Variants in SLC6A13 observed in about 807,000 individuals in gnomAD.
SLC6A13 encodes solute carrier family 6 member 13, also known as sodium- and chloride-dependent GABA transporter 2.
Under a neutral mutation model 72.9 loss-of-function variants are expected in SLC6A13, and 69 were observed. That is an observed-to-expected ratio of 0.95 (90% CI 0.78 to 1.16). The LOEUF (loss-of-function observed/expected upper bound fraction) is 1.16, where lower values mean the gene tolerates loss of function less well. Ranked by LOEUF, SLC6A13 falls within the 50% of genes most tolerant of loss-of-function variation. The pLI is 0.00. For missense variants in SLC6A13, 735 were observed against 760.5 expected, an observed-to-expected ratio of 0.97 and a Z score of 0.39; for synonymous variants, 303 against 303.0, an observed-to-expected ratio of 1.00 and a Z score of 0.00.
intron 9 of SLC6A13, among the ~76,000 whole-genome samples, chr12:224,801 A>G (rs1214051190): frequency 2.6e-5 from 4 of 152,224 alleles, no homozygotes; most frequent in African/African-American, 9.6e-5. Flanking sequence ...CTCCAGATCT[A>G]TTGCACAGAC....
intron 6 of SLC6A13, 142 bp downstream of exon 6, chr12:237,016 A>T: frequency 1.1e-6 from 1 of 886,934 alleles, no homozygotes; most frequent in Non-Finnish European, 1.7e-6. Flanking sequence ...GCGGAGAATC[A>T]AGGAAGGGAG....
At chr12:237,049 C>T in intron 6 of SLC6A13, 109 bp downstream of exon 6, 1 of 1,219,594 alleles carries the variant, frequency 8.2e-7, no homozygotes, top group Non-Finnish European at 1.2e-6. Context: ...CTCGCTGGGT[C>T]ATCGCCTCCC....
At chr12:245,679 CA>C (rs201656065) in intron 2 of SLC6A13, among the ~76,000 whole-genome samples, 17 of 140,068 alleles carry the variant, frequency 1.2e-4, no homozygotes, top group Admixed American at 2.2e-4. Flanking sequence ...GACTCTGTCG[CA>C]AAAAAAAAAG....
chr12:243,957 T>A, intron 2 of SLC6A13, 144 bp from the exon 3 acceptor site: 4 of 690,376 alleles, frequency 5.8e-6, no homozygotes, highest in Non-Finnish European at 9.5e-6. Context: ...GCTGTCTAGA[T>A]GTTTGGAACA....
Position 222,612 on chromosome 12 carries a change from T to A in SLC6A13, c.1435A>T (p.Asn479Tyr). The change falls in exon 13 of 15, where the codon AAC becomes TAC. Residue 479 changes from asparagine (N) to tyrosine (Y), a missense_variant. Asn to Tyr is a moderately radical substitution (Grantham distance 143). Coordinates refer to ENST00000343164, the MANE Select transcript of SLC6A13 (RefSeq NM_016615.5). Reference sequence around the variant, plus strand: ...CTGTACCCAATCATGTCTTCGATGTTGTCGTAGAAGCGCTTGGCTCCTACC... The same window carrying A: ...CTGTACCCAATCATGTCTTCGATGTAGTCGTAGAAGCGCTTGGCTCCTACC... ...WVYGAKRFYD[N>Y]IEDMIGYRPW... is the part of the protein sequence containing the mutation. 6.2e-7 allele frequency: 1 copy of A among 1,608,524 alleles called. No individual in the cohort carries two copies. The highest frequency in any genetic ancestry group is 8.5e-7 in the Non-Finnish European group (1 of 1,176,710).
intron 1 of SLC6A13, 143 bp downstream of exon 1, chr12:262,646 T>G (rs951369623): frequency 4.6e-5 from 45 of 979,080 alleles, no homozygotes; most frequent in Non-Finnish European, 5.3e-5. Context: ...ACATAATCTT[T>G]GCATTTGCAC....
chr12:237,842 T>G, intron 5 of SLC6A13, 84 bp downstream of exon 5: 10 of 1,014,250 alleles, frequency 9.9e-6, no homozygotes, highest in Non-Finnish European at 1.5e-5. Context: ...TGCTGTCCAT[T>G]GAGAGTGACC....
intron 11 of SLC6A13, 146 bp downstream of exon 11, chr12:223,846 C>T (rs534421442): frequency 3.4e-6 from 3 of 889,552 alleles, no homozygotes; most frequent in East Asian, 2.6e-5. Flanking sequence ...TTTGTCGTTC[C>T]TGGGATGGGG....
Position 224,099 on chromosome 12 carries a change from G to T in SLC6A13, c.1204C>A (p.Leu402Met), listed in dbSNP as rs41306938. Residue 402 changes from leucine to methionine, a missense_variant, in exon 11 of 15, where the codon CTG becomes ATG. By Grantham distance (15) the Leu-to-Met change is conservative (BLOSUM62 2). Coordinates refer to ENST00000343164, the MANE Select transcript of SLC6A13 (RefSeq NM_016615.5). ...AACACGTGAGGGTACATGTCCACCAGCGCTGTCACCAGGCTTTCTACACAC... is the reference window on the plus strand; with the variant it reads ...AACACGTGAGGGTACATGTCCACCATCGCTGTCACCAGGCTTTCTACACAC... ...FVCVESLVTA[L>M]VDMYPHVFRK... 26 of 1,614,084 alleles carry T rather than the reference G, an allele frequency of 1.6e-5. No individual in the cohort carries two copies. Among genetic ancestry groups the T allele is most frequent in the Middle Eastern group, 1.6e-4 (1 of 6,084 alleles).
chr12:238,785 G>A (rs1942038631), intron 4 of SLC6A13, among the ~76,000 whole-genome samples: 1 of 152,066 alleles, frequency 6.6e-6, no homozygotes, highest in African/African-American at 2.4e-5. Flanking sequence ...AAATTGTCTG[G>A]GTTCCACCTT....
intron 4 of SLC6A13, 115 bp downstream of exon 4, chr12:242,499 T>C (rs1942201303): frequency 2.4e-6 from 2 of 822,166 alleles, no homozygotes; most frequent in East Asian, 5.4e-5. Context: ...CTCTCCATGG[T>C]CGACTTGGGT....
Position 235,365 on chromosome 12 carries a change from G to C in SLC6A13, c.697-141C>G, listed in dbSNP as rs758374024. On this transcript the variant is annotated intron_variant, in intron 6 of 14. Transcript: ENST00000343164. ...TCCTGCTCCCAGCTCATCCACAGCT[G>C]TTTAGTTCTGTTGCAGGAAGTTAGG... 1.5e-5 allele frequency: 12 copies of C among 797,272 alleles called. No individual in the cohort carries two copies. The African/African-American group carries it at 2.1e-4, about 14-fold the overall frequency. The allele number at this position is 797,272 out of a possible 1,614,324, so 49.4% of individuals were successfully genotyped here.
At chr12:228,750 G>A (rs1485599244) in intron 7 of SLC6A13, among the ~76,000 whole-genome samples, 1 of 152,158 alleles carries the variant, frequency 6.6e-6, no homozygotes, top group Non-Finnish European at 1.5e-5. Flanking sequence ...TCTCAGCAGT[G>A]TAGAGGCCTG....
At position 224,454 on chromosome 12, in the gene SLC6A13, G is replaced by A. The variant is rs768299360; in HGVS notation, c.1120C>T (p.Leu374Phe). 1.2e-6 allele frequency: 2 copies of A among 1,614,172 alleles called. No homozygotes were observed. Among genetic ancestry groups the A allele is most frequent in the Non-Finnish European group, 1.7e-6 (2 of 1,180,038 alleles). The part of the protein sequence containing the change: ...RAVVMLPFSP[L>F]WACCFFFMVV... The stretch of plus-strand genomic sequence containing the variant: ...ATGAAGAAGAAACAGCAGGCCCAGA[G>A]AGGAGAGAAGGGCAGCATCACCACA... Residue 374 changes from leucine to phenylalanine, a missense_variant, in exon 10 of 15, where the codon CTC becomes TTC. Physicochemically the swap from Leu to Phe is conservative, Grantham distance 22 (BLOSUM62 0). Transcript: ENST00000343164.
At chr12:223,110 A>G in intron 12 of SLC6A13, 22 bp downstream of exon 12, 1 of 1,447,822 alleles carries the variant, frequency 6.9e-7, no homozygotes. Context: ...GGATGCTGGG[A>G]CCTAGGGGAG....
chr12:249,949 T>TA (rs1354090980), intron 2 of SLC6A13, among the ~76,000 whole-genome samples: 1 of 152,188 alleles, frequency 6.6e-6, no homozygotes, highest in Non-Finnish European at 1.5e-5. Flanking sequence ...TTTAACATTT[T>TA]AAAAAATCAA....
chr12:248,653 G>A (rs1351745677), intron 2 of SLC6A13, among the ~76,000 whole-genome samples: 4 of 152,098 alleles, frequency 2.6e-5, no homozygotes, highest in African/African-American at 9.7e-5. Flanking sequence ...GAACTACAAA[G>A]AGAAACATAT....
At chr12:224,823 A>G (rs1941373825) in intron 9 of SLC6A13, among the ~76,000 whole-genome samples, 1 of 152,232 alleles carries the variant, frequency 6.6e-6, no homozygotes, top group South Asian at 2.1e-4. Context: ...TGAGGTTTCA[A>G]GCCTAGAATG....
chr12:246,635 G>A (rs1232263789), intron 2 of SLC6A13, among the ~76,000 whole-genome samples: 1 of 152,214 alleles, frequency 6.6e-6, no homozygotes, highest in Non-Finnish European at 1.5e-5. Flanking sequence ...TGGGATTAAT[G>A]TTAGTAGGCA....
Sources: gnomAD v4.1 joint callset for allele counts (sites outside exome capture counted in the v4.1 genomes callset) on GRCh38, gnomAD v4.1.1 for gene constraint, MANE v1.5 for transcripts, NCBI Gene and HGNC (gene_info 2026-07-23, HGNC 2026-07-21) for gene names.